The following CALN1 variants were observed in gnomAD, a reference collection of about 807,000 sequenced individuals.
CALN1 encodes the protein calneuron 1, also known as calcium-binding protein 8.
In CALN1, 17 loss-of-function variants were observed where a neutral mutation model predicts 30.6. The observed-to-expected ratio is 0.56, with a 90% CI of 0.38 to 0.83. CALN1 has a LOEUF of 0.83. Ranked by LOEUF, CALN1 falls within the 40% of genes least tolerant of loss-of-function variation. The pLI is 0.00. For missense variants in CALN1, 291 were observed against 354.9 expected (o/e 0.82, Z 1.45); for synonymous variants, 156 against 131.4 (o/e 1.19, Z -1.28).
intron 3 of CALN1, among the ~76,000 whole-genome samples, chr7:72,212,558 G>A (rs145512043): frequency 1.2e-3 from 179 of 151,972 alleles, no homozygotes; most frequent in Non-Finnish European, 2.2e-3. Flanking sequence ...AGTAGCTCAC[G>A]CCTGCAATCC....
chr7:72,470,649 G>C, the CALN1 span, among the ~76,000 whole-genome samples: 1 of 151,652 alleles, frequency 6.6e-6, no homozygotes, highest in Non-Finnish European at 1.5e-5. Flanking sequence ...TGAGTTCCTT[G>C]GTAAAATATA....
chr7:72,216,196 C>T (rs954844017), intron 3 of CALN1, among the ~76,000 whole-genome samples: 1 of 151,958 alleles, frequency 6.6e-6, no homozygotes, highest in African/African-American at 2.4e-5. Flanking sequence ...GGGAGGACTG[C>T]TTGAGGCCAG....
At chr7:71,957,593 T>C (rs1388686573) in intron 5 of CALN1, among the ~76,000 whole-genome samples, 1 of 152,218 alleles carries the variant, frequency 6.6e-6, no homozygotes, top group African/African-American at 2.4e-5. Flanking sequence ...ATCTCTTAAG[T>C]AACTTCAGTT....
chr7:72,151,530 G>A lies in CALN1; in HGVS notation c.245-45236C>T, dbSNP rs76022520. On this transcript the variant is annotated intron_variant, in intron 3 of 6. Transcript: ENST00000395275. ...TTTTGGGAGGACACAATTCAACCCCGTAATAGACCCACACGTCACATTCAG... is the reference window on the plus strand; with the variant it reads ...TTTTGGGAGGACACAATTCAACCCCATAATAGACCCACACGTCACATTCAG... Among the ~76,000 whole-genome samples the A allele has an allele frequency of 1.1e-3, 163 of 152,234 alleles. 2 individuals are homozygous for A. In the East Asian group the frequency reaches 0.025, roughly 23 times the overall value.
At chr7:72,490,930 T>C in the CALN1 span, among the ~76,000 whole-genome samples, 8 of 152,142 alleles carry the variant, frequency 5.3e-5, no homozygotes, top group Non-Finnish European at 1.2e-4. Context: ...TTATATAATG[T>C]ATGTAATGCC....
At chr7:72,250,548 T>C (rs921929531) in intron 3 of CALN1, among the ~76,000 whole-genome samples, 5 of 152,140 alleles carry the variant, frequency 3.3e-5, no homozygotes, top group Non-Finnish European at 5.9e-5. Flanking sequence ...AAAACTCATA[T>C]TGAAATGTGA....
chr7:72,245,659 TAAA>T (rs1795112889), intron 3 of CALN1, among the ~76,000 whole-genome samples: 1 of 144,076 alleles, frequency 6.9e-6, no homozygotes, highest in Non-Finnish European at 1.5e-5. Context: ...AATAAATAAA[TAAA>T]GTTGAGTAAA....
chr7:71,927,155 G>A (rs114520861), intron 5 of CALN1, among the ~76,000 whole-genome samples: 2,347 of 152,210 alleles, frequency 0.015, 56 homozygotes, highest in African/African-American at 0.054. Flanking sequence ...AATTGATCTG[G>A]GTTTAGCCTT....
At chr7:72,497,465 C>T in the CALN1 span, among the ~76,000 whole-genome samples, 1 of 152,090 alleles carries the variant, frequency 6.6e-6, no homozygotes, top group African/African-American at 2.4e-5. Flanking sequence ...ATGACAATGA[C>T]AAACTTTAGA....
intron 4 of CALN1, among the ~76,000 whole-genome samples, chr7:72,092,084 A>T (rs1478261143): frequency 6.6e-6 from 1 of 152,144 alleles, no homozygotes. Context: ...TTTACTTTTC[A>T]TATCTAGTTT....
upstream of CALN1, among the ~76,000 whole-genome samples, chr7:72,415,899 T>C (rs1189312365): frequency 2.0e-5 from 3 of 152,148 alleles, no homozygotes; most frequent in Admixed American, 6.5e-5. Flanking sequence ...GGTGCCTGAG[T>C]CTGATCTGTT....
At chr7:71,994,581 G>T (rs1304030496) in intron 5 of CALN1, among the ~76,000 whole-genome samples, 5 of 150,596 alleles carry the variant, frequency 3.3e-5, no homozygotes, top group Non-Finnish European at 4.4e-5. Flanking sequence ...AGTAATACAT[G>T]AGATTCGTTG....
intron 3 of CALN1, among the ~76,000 whole-genome samples, chr7:72,273,452 G>T (rs1161060277): frequency 5.4e-5 from 8 of 148,864 alleles, no homozygotes; most frequent in Non-Finnish European, 8.9e-5. Context: ...GGGCGGGGGC[G>T]GTGGGGAATA....
chr7:71,813,967 AC>A (rs1788115366), intron 5 of CALN1, among the ~76,000 whole-genome samples: 1 of 150,704 alleles, frequency 6.6e-6, no homozygotes, highest in Non-Finnish European at 1.5e-5. Context: ...GGACTTCCCA[AC>A]CTACGGGCCC....
chr7:72,303,012 T>C (rs1799399840), intron 2 of CALN1, among the ~76,000 whole-genome samples: 1 of 149,480 alleles, frequency 6.7e-6, no homozygotes, highest in African/African-American at 2.5e-5. Flanking sequence ...GTTCAGGAGT[T>C]CAAGGATACA....
chr7:72,373,065 G>A (rs73364920), intron 2 of CALN1, among the ~76,000 whole-genome samples: 1 of 152,120 alleles, frequency 6.6e-6, no homozygotes, highest in Non-Finnish European at 1.5e-5. Context: ...AAGATACGAA[G>A]AATGACCATG....
intron 2 of CALN1, among the ~76,000 whole-genome samples, chr7:72,324,543 T>C (rs1240043926): frequency 1.5e-5 from 2 of 136,202 alleles, no homozygotes; most frequent in Non-Finnish European, 3.2e-5. Flanking sequence ...TCTTTTTCCC[T>C]CCTTTTAAAT....
Position 72,316,351 on chromosome 7 carries a change from G to A in CALN1, c.120-37541C>T, listed in dbSNP as rs555493971. Among the ~76,000 whole-genome samples, 70 of 148,502 alleles carry A rather than the reference G, an allele frequency of 4.7e-4. No individual in the cohort carries two copies. In the South Asian group the frequency reaches 0.011, roughly 24 times the overall value. Reference sequence around the variant, plus strand: ...TACGGTTTTTGCCATTGAAAGTAACGGCAAAAACCGCAATTACTTTTGCAC... The same window carrying A: ...TACGGTTTTTGCCATTGAAAGTAACAGCAAAAACCGCAATTACTTTTGCAC... On this transcript the variant is annotated intron_variant, in intron 2 of 6. Transcript: ENST00000395275.
At chr7:71,924,767 AT>A (rs562677863) in intron 5 of CALN1, among the ~76,000 whole-genome samples, 4 of 151,890 alleles carry the variant, frequency 2.6e-5, no homozygotes, top group African/African-American at 7.3e-5. Flanking sequence ...TATTCTCCTG[AT>A]TTTTTTCTCT....
Sources: gnomAD v4.1 joint callset for allele counts (sites outside exome capture counted in the v4.1 genomes callset) on GRCh38, gnomAD v4.1.1 for gene constraint, MANE v1.5 for transcripts, NCBI Gene and HGNC (gene_info 2026-07-23, HGNC 2026-07-21) for gene names.